Variants in DLG2 observed in about 807,000 individuals in gnomAD.
DLG2 encodes the protein disks large homolog 2.
A neutral mutation model predicts 132.5 loss-of-function variants in DLG2; 45 were observed. That is an observed-to-expected ratio of 0.34 (90% CI 0.27 to 0.44). The LOEUF is 0.44. Among genes scored for constraint, DLG2 ranks in the 20% least tolerant of loss-of-function variants. DLG2 has a pLI of 1.00. For missense variants in DLG2, 1,045 were observed against 1,196.9 expected, an observed-to-expected ratio of 0.87 and a Z score of 1.87; for synonymous variants, 424 against 419.6, an observed-to-expected ratio of 1.01 and a Z score of -0.13.
chr11:84,561,274 G>C (rs2099428310), intron 6 of DLG2, among the ~76,000 whole-genome samples: 1 of 152,064 alleles, frequency 6.6e-6, no homozygotes, highest in African/African-American at 2.4e-5. Flanking sequence ...TTCTGTCACA[G>C]ATGAGAACTC....
intron 18 of DLG2, among the ~76,000 whole-genome samples, chr11:83,659,861 G>A (rs755639975): frequency 1.3e-5 from 2 of 152,152 alleles, no homozygotes; most frequent in African/African-American, 2.4e-5. Flanking sequence ...CTAAAATACA[G>A]CCCATTTGAT....
At chr11:83,916,665 A>G (rs2076974506) in intron 15 of DLG2, among the ~76,000 whole-genome samples, 1 of 152,186 alleles carries the variant, frequency 6.6e-6, no homozygotes, top group Non-Finnish European at 1.5e-5. Flanking sequence ...AGACAAAACA[A>G]TTTAAAATTG....
At chr11:84,472,106 A>T (rs563726550) in intron 7 of DLG2, among the ~76,000 whole-genome samples, 1 of 152,058 alleles carries the variant, frequency 6.6e-6, no homozygotes, top group South Asian at 2.1e-4. Flanking sequence ...CAGTTTCGTC[A>T]GAAATATTTA....
chr11:84,343,685 C>T (rs2098526107), intron 7 of DLG2, among the ~76,000 whole-genome samples: 1 of 152,014 alleles, frequency 6.6e-6, no homozygotes, highest in African/African-American at 2.4e-5. Context: ...ACCTAATTTC[C>T]AGGGCGATTG....
intron 7 of DLG2, among the ~76,000 whole-genome samples, chr11:84,382,276 C>G (rs1411074612): frequency 6.6e-6 from 1 of 151,962 alleles, no homozygotes. Context: ...TAGGTAAAAC[C>G]ACCAGACAGC....
At chr11:85,062,978 A>G (rs143227969) in intron 6 of DLG2, among the ~76,000 whole-genome samples, 285 of 151,926 alleles carry the variant, frequency 1.9e-3, no homozygotes, top group African/African-American at 6.6e-3. Flanking sequence ...ATGCATGTAC[A>G]TATAGTATGT....
intron 15 of DLG2, among the ~76,000 whole-genome samples, chr11:83,925,426 G>A (rs1484871658): frequency 6.6e-6 from 1 of 152,048 alleles, no homozygotes. Context: ...TATTTTAACA[G>A]CTACCTAGAG....
At chr11:84,174,853 C>G (rs770377250) in intron 8 of DLG2, among the ~76,000 whole-genome samples, 1 of 152,184 alleles carries the variant, frequency 6.6e-6, no homozygotes, top group African/African-American at 2.4e-5. Context: ...ATTGCTACTA[C>G]TGGATTTTGT....
intron 6 of DLG2, among the ~76,000 whole-genome samples, chr11:84,688,085 G>T (rs1455639055): frequency 6.6e-6 from 1 of 152,166 alleles, no homozygotes; most frequent in Non-Finnish European, 1.5e-5. Context: ...TCAGTTTTCA[G>T]ATGACTTAGC....
intron 7 of DLG2, among the ~76,000 whole-genome samples, chr11:84,312,099 GCACTATGCTAA>G (rs1283666145): frequency 6.6e-6 from 1 of 152,140 alleles, no homozygotes; most frequent in Non-Finnish European, 1.5e-5. Flanking sequence ...CCATATGAAA[GCACTATGCTAA>G]CATTTTGTTA....
At chr11:84,544,277 T>A (rs2099385126) in intron 6 of DLG2, among the ~76,000 whole-genome samples, 1 of 152,210 alleles carries the variant, frequency 6.6e-6, no homozygotes, top group African/African-American at 2.4e-5. Flanking sequence ...TAAGTCAGAA[T>A]GGAACCACAG....
At chr11:84,943,191 TG>T in intron 6 of DLG2, among the ~76,000 whole-genome samples, 1 of 151,860 alleles carries the variant, frequency 6.6e-6, no homozygotes, top group East Asian at 1.9e-4. Context: ...TGTGTGTGTG[TG>T]TGTGTGTGTG....
chr11:84,259,955 G>A (rs1055997265), intron 7 of DLG2, among the ~76,000 whole-genome samples: 1 of 152,110 alleles, frequency 6.6e-6, no homozygotes, highest in African/African-American at 2.4e-5. Flanking sequence ...GTCTGTTCTA[G>A]TCAACACAAT....
intron 20 of DLG2, among the ~76,000 whole-genome samples, chr11:83,534,057 C>T (rs1389389944): frequency 4.6e-5 from 7 of 152,174 alleles, no homozygotes; most frequent in South Asian, 2.1e-4. Context: ...GGTGGACTCC[C>T]GCCTGTTTGA....
At chr11:85,580,595 A>G (rs1461095995) in intron 3 of DLG2, among the ~76,000 whole-genome samples, 1 of 152,244 alleles carries the variant, frequency 6.6e-6, no homozygotes, top group Non-Finnish European at 1.5e-5. Flanking sequence ...CAGCAATCTT[A>G]TTAGGTGAAT....
intron 18 of DLG2, among the ~76,000 whole-genome samples, chr11:83,736,407 T>C (rs1345114189): frequency 1.3e-5 from 2 of 151,556 alleles, no homozygotes; most frequent in Admixed American, 1.3e-4. Context: ...TTAGGGCAAC[T>C]TTATGCACCT....
intron 3 of DLG2, among the ~76,000 whole-genome samples, chr11:85,302,107 T>G (rs1292344313): frequency 2.0e-5 from 3 of 152,162 alleles, no homozygotes; most frequent in African/African-American, 7.2e-5. Context: ...CACAGGAAGG[T>G]AGACTCAATA....
intron 2 of DLG2, among the ~76,000 whole-genome samples, chr11:85,607,646 C>T (rs752924521): frequency 1.3e-5 from 2 of 152,194 alleles, no homozygotes; most frequent in Non-Finnish European, 2.9e-5. Context: ...ATCAAAAAGA[C>T]ATAATTTTTG....
chr11:85,455,697 C>T (rs890379949), intron 3 of DLG2, among the ~76,000 whole-genome samples: 5 of 152,090 alleles, frequency 3.3e-5, no homozygotes, highest in Non-Finnish European at 7.4e-5. Flanking sequence ...AAGTATGCTC[C>T]TTCAGTGCCT....
Sources: gnomAD v4.1 joint callset for allele counts (sites outside exome capture counted in the v4.1 genomes callset) on GRCh38, gnomAD v4.1.1 for gene constraint, MANE v1.5 for transcripts, NCBI Gene and HGNC (gene_info 2026-07-23, HGNC 2026-07-21) for gene names.